The following MLKL variants were observed in gnomAD, a reference collection of about 807,000 sequenced individuals.
MLKL encodes mixed lineage kinase domain like pseudokinase, also known as mixed lineage kinase domain-like protein.
MLKL carries 55 observed loss-of-function variants against 56.5 expected under a neutral mutation model. The observed-to-expected ratio is 0.97, with a 90% CI of 0.78 to 1.22. The LOEUF (loss-of-function observed/expected upper bound fraction) is 1.22, where lower values mean the gene tolerates loss of function less well. Among genes scored for constraint, MLKL ranks in the 50% most tolerant of loss-of-function variants. MLKL has a pLI of 0.00. For synonymous variants in MLKL, 251 were observed against 208.3 expected (o/e 1.20, Z -1.76); for missense variants, 694 against 573.9 (o/e 1.21, Z -2.14).
intron 1 of MLKL, among the ~76,000 whole-genome samples, chr16:74,696,271 A>G (rs1157632637): frequency 6.6e-6 from 1 of 152,024 alleles, no homozygotes; most frequent in African/African-American, 2.4e-5. Context: ...AACCGTTAAT[A>G]TTTTCAGGTT....
rs755361676 is a variant in MLKL, at chr16:74,685,546, T to C, written c.760A>G (p.Met254Val). The C allele has an allele frequency of 8.7e-6, 14 of 1,614,100 alleles. No homozygotes were observed. Among genetic ancestry groups the C allele is most frequent in the Non-Finnish European group, 1.2e-5 (14 of 1,179,964 alleles). ...RQTFNKEIKT[M>V]KKFESPNILR... ...ATGTTGGGAGATTCGAATTTCTTCA[T>C]GGTTTTGATCTCCTTATTGAAAGTC... Residue 254 changes from methionine to valine, a missense_variant, in exon 5 of 11, where the codon ATG becomes GTG. By Grantham distance (21) the Met-to-Val change is conservative. Transcript: ENST00000308807.
In MLKL at chr16:74,691,244, G is replaced by A. The variant is rs200743144; in HGVS notation, c.722+33C>T. 2.3e-5 allele frequency: 36 copies of A among 1,568,876 alleles called. No homozygotes were observed. In the African/African-American group the frequency reaches 4.5e-4, roughly 20 times the overall value. ...CCTTGGAGAGTTAGAGTAAGTATTG[G>A]TACACACGAGAGAACCACACAAAAC... On this transcript the variant is annotated intron_variant, in intron 4 of 10. Coordinates refer to ENST00000308807, the MANE Select transcript of MLKL (RefSeq NM_152649.4).
intron 4 of MLKL, among the ~76,000 whole-genome samples, chr16:74,688,210 T>A (rs1960453837): frequency 6.6e-6 from 1 of 152,030 alleles, no homozygotes; most frequent in South Asian, 2.1e-4. Context: ...CCTCAAGTGA[T>A]CCACCTGCCT....
rs746513546 is a variant in MLKL at position 74,685,500 on chromosome 16, C to T, written c.806G>A (p.Cys269Tyr). The T allele has an allele frequency of 6.2e-7, 1 of 1,613,866 alleles. No homozygotes were observed. The highest frequency in any genetic ancestry group is 1.1e-5 in the South Asian group (1 of 91,046). ...SPNILRIFGI[C>Y]IDETVTPPQF... is the part of the protein sequence containing the mutation. ...GCATTCCTTACCTGTTTCATCAATGCAAATCCCAAATATACGCAGGATGTT... is the reference window on the plus strand; with the variant it reads ...GCATTCCTTACCTGTTTCATCAATGTAAATCCCAAATATACGCAGGATGTT... The change falls in exon 5 of 11, where the codon TGC becomes TAC. Residue 269 changes from cysteine to tyrosine, a missense_variant. By Grantham distance (194) the Cys-to-Tyr change is radical. Transcript: ENST00000308807.
chr16:74,677,247 G>T (rs1017276250), intron 7 of MLKL: 3 of 151,994 alleles, frequency 2.0e-5, no homozygotes, highest in African/African-American at 7.3e-5. Context: ...TAGAGACAGG[G>T]TTTCACTGTG....
chr16:74,685,440 G>C, intron 5 of MLKL, 46 bp downstream of exon 5: 1 of 1,428,692 alleles, frequency 7.0e-7, no homozygotes, highest in Non-Finnish European at 9.9e-7. Context: ...CAGGAGGTGT[G>C]TTCTAGGCCA....
intron 5 of MLKL, among the ~76,000 whole-genome samples, chr16:74,683,785 G>A (rs1194395710): frequency 6.6e-6 from 1 of 151,996 alleles, no homozygotes; most frequent in Admixed American, 6.6e-5. Context: ...CATCTGTGTG[G>A]GAGGAATGAG....
chr16:74,672,543 G>A lies in MLKL; in HGVS notation c.1382-5C>T, dbSNP rs1567596284. Reference sequence around the variant, plus strand: ...TGGAGAGTTTCTTTAAGATTTCTGTGGATGAATGAACAGAAAATTAGACCA... The same window carrying A: ...TGGAGAGTTTCTTTAAGATTTCTGTAGATGAATGAACAGAAAATTAGACCA... On this transcript the variant is annotated splice_region_variant and splice_polypyrimidine_tract_variant and intron_variant, in intron 10 of 10. Transcript: ENST00000308807. The A allele has an allele frequency of 6.8e-6, 11 of 1,613,528 alleles. No individual in the cohort carries two copies. The highest frequency in any genetic ancestry group is 9.3e-6 in the Non-Finnish European group (11 of 1,179,514).
intron 1 of MLKL, among the ~76,000 whole-genome samples, chr16:74,699,005 C>G (rs1386733019): frequency 6.6e-6 from 1 of 151,780 alleles, no homozygotes; most frequent in Non-Finnish European, 1.5e-5. Context: ...CCCAGCTACT[C>G]GGGAGGCTGA....
chr16:74,691,341 C>T lies in MLKL; in HGVS notation c.658G>A (p.Gly220Arg), dbSNP rs905560818. ...RENEVSTLYK[G>R]EYHRAPVAIK... ...GCCACTGGAGCTCTGTGGTATTCTC[C>T]TTTATAAAGTGTGCTGACTTCATTT... Residue 220 changes from glycine to arginine, a missense_variant, in exon 4 of 11, where the codon GGA becomes AGA. Transcript: ENST00000308807. The T allele has an allele frequency of 4.3e-6, 7 of 1,613,964 alleles. No homozygotes were observed. The African/African-American group carries it at 6.7e-5, about 15-fold the overall frequency.
chr16:74,695,634 G>C lies in MLKL; in HGVS notation c.124C>G (p.Leu42Val), dbSNP rs781086252. 1 of 1,614,178 alleles carries C rather than the reference G, an allele frequency of 6.2e-7. No homozygotes were observed. The highest frequency in any genetic ancestry group is 1.7e-5 in the Admixed American group (1 of 60,020). Residue 42 changes from leucine to valine, a missense_variant, in exon 2 of 11, where the codon CTG (leucine) becomes GTG (valine). Transcript: ENST00000308807. Reference protein sequence around the residue: ...GHRVLGLIKPLEMLQDQGKRS... With the variant: ...GHRVLGLIKPVEMLQDQGKRS... ...TTTCCTTGGTCCTGGAGCATCTCCAGAGGCTTGATCAGGCCGAGGACGCGG... is the reference window on the plus strand; with the variant it reads ...TTTCCTTGGTCCTGGAGCATCTCCACAGGCTTGATCAGGCCGAGGACGCGG...
chr16:74,677,657 T>A (rs951387546), intron 7 of MLKL: 11 of 152,436 alleles, frequency 7.2e-5, no homozygotes, highest in African/African-American at 2.6e-4. Flanking sequence ...TGCCTGGCCA[T>A]GTAGCAGCTC....
At position 74,695,556 on chromosome 16, in the gene MLKL, C is replaced by T. The variant is rs777097320; in HGVS notation, c.202G>A (p.Ala68Thr). 4 of 1,614,092 alleles carry T rather than the reference C, an allele frequency of 2.5e-6. No individual in the cohort carries two copies. The highest frequency in any genetic ancestry group is 2.7e-5 in the African/African-American group (2 of 74,924). ...ATCTCCCCATTAGCCTCCTCCAGGG[C>T]AGCCTTGAAGCGGTTCATGGCTGTG... is the stretch of plus-strand genomic sequence containing the variant. Reference protein sequence around the residue: ...LTTAMNRFKAALEEANGEIEK... With the variant: ...LTTAMNRFKATLEEANGEIEK... The change falls in exon 2 of 11, where the codon GCC becomes ACC. Residue 68 changes from alanine (A) to threonine (T), a missense_variant. Physicochemically the swap from Ala to Thr is moderately conservative, Grantham distance 58. Coordinates refer to ENST00000308807, the MANE Select transcript of MLKL (RefSeq NM_152649.4).
chr16:74,674,841 T>C (rs1315183188), intron 10 of MLKL, 119 bp downstream of exon 10: 2 of 1,227,100 alleles, frequency 1.6e-6, no homozygotes, highest in Non-Finnish European at 2.3e-6. Context: ...CACTAAATGT[T>C]CCCCGGATAA....
In MLKL at chr16:74,686,397, A is replaced by G. The variant is rs548182704; in HGVS notation, c.723-814T>C. 3.3e-5 allele frequency among the ~76,000 whole-genome samples: 5 copies of G among 152,324 alleles called. No homozygotes were observed. The East Asian group carries it at 9.7e-4, about 29-fold the overall frequency. ...GGAGTTCGAGACAATCCTGCCGAAC[A>G]TGGTGAAACCCCGTCTCTACTAAAA... On this transcript the variant is annotated intron_variant, in intron 4 of 10. Transcript: ENST00000308807.
intron 7 of MLKL, 59 bp from the exon 8 acceptor site, chr16:74,675,823 G>A (rs1316132688): frequency 6.4e-7 from 1 of 1,557,436 alleles, no homozygotes; most frequent in East Asian, 2.3e-5. Flanking sequence ...GGAGTAAAGG[G>A]CAGGGATTGT....
intron 1 of MLKL, among the ~76,000 whole-genome samples, chr16:74,699,279 A>T (rs922307123): frequency 2.0e-5 from 3 of 152,324 alleles, no homozygotes; most frequent in African/African-American, 7.2e-5. Flanking sequence ...TTCCAATAAA[A>T]CATCTACTGA....
intron 1 of MLKL, among the ~76,000 whole-genome samples, chr16:74,698,810 T>A (rs1381401835): frequency 6.6e-6 from 1 of 152,096 alleles, no homozygotes; most frequent in Non-Finnish European, 1.5e-5. Flanking sequence ...TATACAGTGG[T>A]GGCATGGTAT....
In MLKL at chr16:74,675,712, G is replaced by T. The variant is rs34389205; in HGVS notation, c.1091C>A (p.Thr364Lys). The T allele has an allele frequency of 1.9e-4, 310 of 1,614,058 alleles. 1 individual carries two copies. The East Asian group carries it at 6.5e-3, about 34-fold the overall frequency. ...TTTGACTCTGTCTGTCTTTTCTCTC[G>T]TAGTTCCCAAACTCATGGAAGTCTG... is the stretch of plus-strand genomic sequence containing the variant. ...KTQTSMSLGT[T>K]REKTDRVKST... is the part of the protein sequence containing the mutation. The change falls in exon 8 of 11, where the codon ACG becomes AAG. Residue 364 changes from threonine to lysine, a missense_variant. Physicochemically the swap from Thr to Lys is moderately conservative, Grantham distance 78. Transcript: ENST00000308807.
Sources: gnomAD v4.1 joint callset for allele counts (sites outside exome capture counted in the v4.1 genomes callset) on GRCh38, gnomAD v4.1.1 for gene constraint, MANE v1.5 for transcripts, NCBI Gene and HGNC (gene_info 2026-07-23, HGNC 2026-07-21) for gene names.